FGGY: variants seen among roughly 807,000 people sequenced by gnomAD.
The protein encoded by FGGY is FGGY carbohydrate kinase domain-containing protein.
Under a neutral mutation model 71.3 loss-of-function variants are expected in FGGY, and 72 were observed. The observed-to-expected ratio is 1.01, with a 90% confidence interval of 0.84 to 1.23. The LOEUF is 1.23. Ranked by LOEUF, FGGY falls within the 50% of genes most tolerant of loss-of-function variation. The pLI, the probability that FGGY is intolerant of heterozygous loss-of-function variation, is 0.00. For missense variants in FGGY, 668 were observed against 682.3 expected (o/e 0.98, Z 0.23); for synonymous variants, 251 against 250.3 (o/e 1.00, Z -0.02).
intron 6 of FGGY, among the ~76,000 whole-genome samples, chr1:59,506,850 G>GA (rs1364665829): frequency 6.6e-6 from 1 of 151,490 alleles, no homozygotes; most frequent in Non-Finnish European, 1.5e-5. Context: ...AGAGAAAAAA[G>GA]AAAAAAAGGA....
chr1:59,453,089 G>C (rs1300312069), intron 5 of FGGY, among the ~76,000 whole-genome samples: 1 of 152,124 alleles, frequency 6.6e-6, no homozygotes, highest in Non-Finnish European at 1.5e-5. Flanking sequence ...TTCCCTCCTG[G>C]AGAGTTTTGG....
intron 3 of FGGY, among the ~76,000 whole-genome samples, chr1:59,341,822 C>T (rs557266295): frequency 1.3e-5 from 2 of 152,138 alleles, no homozygotes; most frequent in Non-Finnish European, 2.9e-5. Flanking sequence ...CTTTTATGGG[C>T]TTTATTTAAG....
chr1:59,650,474 C>G (rs1243389540), intron 11 of FGGY, among the ~76,000 whole-genome samples: 3 of 106,588 alleles, frequency 2.8e-5, no homozygotes, highest in African/African-American at 9.8e-5. Flanking sequence ...CTGGTTTAGT[C>G]TTGGGAAGGT....
chr1:59,724,131 C>A (rs1289585465), intron 14 of FGGY, among the ~76,000 whole-genome samples: 5 of 151,266 alleles, frequency 3.3e-5, no homozygotes. Context: ...CCACTGAACT[C>A]CAGCCTGGAC....
At chr1:59,330,810 T>C (rs571323883) in intron 2 of FGGY, among the ~76,000 whole-genome samples, 102 of 152,066 alleles carry the variant, frequency 6.7e-4, no homozygotes, top group South Asian at 1.7e-3. Flanking sequence ...GATACAGGGG[T>C]AGGTGAGACA....
rs115569670 is a variant in FGGY at position 59,531,742 on chromosome 1, G to C, written c.799+19303G>C. Among the ~76,000 whole-genome samples, 1,000 of 152,336 alleles carry C rather than the reference G, an allele frequency of 6.6e-3. 8 individuals are homozygous for C. The Middle Eastern group carries it at 0.068, about 10-fold the overall frequency. Reference sequence around the variant, plus strand: ...ATATTTGAGTTTGGACATCATTGAAGAGGGAGAATACTAGTAAATCCTCTA... The same window carrying C: ...ATATTTGAGTTTGGACATCATTGAACAGGGAGAATACTAGTAAATCCTCTA... On this transcript the variant is annotated intron_variant, in intron 7 of 15. Coordinates refer to ENST00000303721, the MANE Select transcript of FGGY (RefSeq NM_018291.5).
At chr1:59,313,447 G>A (rs796937459) in intron 1 of FGGY, among the ~76,000 whole-genome samples, 28 of 152,252 alleles carry the variant, frequency 1.8e-4, no homozygotes, top group African/African-American at 5.8e-4. Context: ...TAGATATGGC[G>A]AGAATGCCTA....
At chr1:59,448,118 A>G (rs979077760) in intron 5 of FGGY, among the ~76,000 whole-genome samples, 6 of 151,950 alleles carry the variant, frequency 3.9e-5, no homozygotes, top group Admixed American at 1.3e-4. Context: ...ACCTTTCTCA[A>G]GTCTACCAAG....
At chr1:59,307,275 C>A (rs997033385) in intron 1 of FGGY, among the ~76,000 whole-genome samples, 29 of 135,540 alleles carry the variant, frequency 2.1e-4, no homozygotes, top group African/African-American at 8.2e-4. Context: ...AATTGCATCA[C>A]TACACTCCAG....
At chr1:59,703,868 T>G (rs2097730732) in intron 14 of FGGY, among the ~76,000 whole-genome samples, 2 of 152,206 alleles carry the variant, frequency 1.3e-5, no homozygotes, top group South Asian at 4.1e-4. Context: ...GCAGAGCCAT[T>G]ATTTAAGGAA....
chr1:59,754,963 G>A (rs1055349203), intron 14 of FGGY: 2 of 152,210 alleles, frequency 1.3e-5, no homozygotes, highest in Non-Finnish European at 2.9e-5. Context: ...AAGCCACCAT[G>A]TGCCACAACC....
intron 14 of FGGY, among the ~76,000 whole-genome samples, chr1:59,732,598 C>G (rs1181029414): frequency 6.6e-6 from 1 of 151,856 alleles, no homozygotes; most frequent in Non-Finnish European, 1.5e-5. Flanking sequence ...TCACTCTGTC[C>G]TCTACCTTCT....
At chr1:59,424,204 G>T (rs1406982140) in intron 5 of FGGY, among the ~76,000 whole-genome samples, 2 of 152,256 alleles carry the variant, frequency 1.3e-5, no homozygotes, top group Admixed American at 1.3e-4. Flanking sequence ...TGCCGCCAGA[G>T]TGCTTGCACA....
At position 59,554,158 on chromosome 1, in the gene FGGY, C is replaced by T; in HGVS notation, c.834C>T (p.Leu278=). Residue 278 remains leucine, a synonymous_variant, in exon 8 of 16, where the codon CTC becomes CTT. Coordinates refer to ENST00000303721, the MANE Select transcript of FGGY (RefSeq NM_018291.5). ...GGGCAGATGTGAGAGGGCACGGCCT[C>T]ATCTGTGAGGGGCAGCCAGTGACGT... ...VIGADVRGHG[L]ICEGQPVTSR... is the part of the protein sequence containing the mutation. 6.2e-7 allele frequency: 1 copy of T among 1,613,374 alleles called. No homozygotes were observed. Among genetic ancestry groups the T allele is most frequent in the Non-Finnish European group, 8.5e-7 (1 of 1,179,366 alleles).
intron 1 of FGGY, among the ~76,000 whole-genome samples, chr1:59,307,313 CAAAAAAAA>C (rs398049311): frequency 1.5e-5 from 1 of 67,382 alleles, no homozygotes; most frequent in African/African-American, 5.7e-5. Flanking sequence ...GACCCTGTCT[CAAAAAAAA>C]AAAAAAAAAA....
chr1:59,330,474 C>T (rs1220494086), intron 2 of FGGY, among the ~76,000 whole-genome samples: 9 of 151,182 alleles, frequency 6.0e-5, no homozygotes, highest in Non-Finnish European at 1.3e-4. Flanking sequence ...GAGGCTGAGG[C>T]AGGAGAATCA....
In FGGY at chr1:59,634,873, G is replaced by T. The variant is rs1043314280; in HGVS notation, c.1074-3355G>T. Among the ~76,000 whole-genome samples, 6 of 152,282 alleles carry T rather than the reference G, an allele frequency of 3.9e-5. No homozygotes were observed. In the East Asian group the frequency reaches 1.2e-3, roughly 29 times the overall value. ...AGGCTCAGAGAGGGTTTGCCTACCT[G>T]ATCATCCAGCTGGTACGTGGTAAAG... On this transcript the variant is annotated intron_variant, in intron 10 of 15. Transcript: ENST00000303721.
rs144958183 is a variant in FGGY at position 59,424,203 on chromosome 1, A to G, written c.555-32758A>G. Among the ~76,000 whole-genome samples, 3 of 152,382 alleles carry G rather than the reference A, an allele frequency of 2.0e-5. No individual in the cohort carries two copies. In the East Asian group the frequency reaches 5.8e-4, roughly 29 times the overall value. On this transcript the variant is annotated intron_variant, in intron 5 of 15. Coordinates refer to ENST00000303721, the MANE Select transcript of FGGY (RefSeq NM_018291.5). Reference sequence around the variant, plus strand: ...ACCATACAAATACAGGTGCCGCCAGAGTGCTTGCACATGGCAGCTTCACAG... The same window carrying G: ...ACCATACAAATACAGGTGCCGCCAGGGTGCTTGCACATGGCAGCTTCACAG...
At chr1:59,698,783 G>T (rs115113941) in intron 14 of FGGY, 10 of 985,390 alleles carry the variant, frequency 1.0e-5, no homozygotes, top group Non-Finnish European at 1.2e-5. Context: ...CTTTAAAAGC[G>T]CAGCGCATAC....
Sources: gnomAD v4.1 joint callset for allele counts (sites outside exome capture counted in the v4.1 genomes callset) on GRCh38, gnomAD v4.1.1 for gene constraint, MANE v1.5 for transcripts, NCBI Gene and HGNC (gene_info 2026-07-23, HGNC 2026-07-21) for gene names.